The following SGCZ variants were observed in gnomAD, a reference collection of about 807,000 sequenced individuals.
SGCZ encodes zeta-sarcoglycan.
Under a neutral mutation model 41.3 loss-of-function variants are expected in SGCZ, and 40 were observed. The observed-to-expected ratio is 0.97, with a 90% CI of 0.75 to 1.26. The LOEUF (loss-of-function observed/expected upper bound fraction) is 1.26, where lower values mean the gene tolerates loss of function less well. SGCZ is among the 50% of genes most tolerant of loss of function. The probability of loss-of-function intolerance (pLI) is 0.00; values close to 1 mark genes in which losing one functional copy is unlikely to be tolerated. For synonymous variants in SGCZ, 206 were observed against 137.5 expected, an observed-to-expected ratio of 1.50 and a Z score of -3.49; for missense variants, 552 against 369.8, an observed-to-expected ratio of 1.49 and a Z score of -4.04.
chr8:14,397,358 A>G (rs543634015), intron 2 of SGCZ, among the ~76,000 whole-genome samples: 9 of 152,180 alleles, frequency 5.9e-5, no homozygotes, highest in Non-Finnish European at 1.2e-4. Context: ...CCCAATTAAA[A>G]TAAATATTAA....
chr8:14,861,026 T>C lies in SGCZ; in HGVS notation c.40-306100A>G, dbSNP rs1238643250. ...TCGCGTTTAAGTTTAGTGTTCGCAA[T>C]GTCCCTGCAGCACAGAATTGCAGTG... On this transcript the variant is annotated intron_variant, in intron 1 of 7. Transcript: ENST00000382080. Among the ~76,000 whole-genome samples, 4 of 152,220 alleles carry C rather than the reference T, an allele frequency of 2.6e-5. No individual in the cohort carries two copies. The South Asian group carries it at 6.2e-4, about 24-fold the overall frequency.
chr8:14,605,228 T>C (rs932070588), intron 1 of SGCZ, among the ~76,000 whole-genome samples: 3 of 151,782 alleles, frequency 2.0e-5, no homozygotes, highest in African/African-American at 4.8e-5. Context: ...GTCTAGTACA[T>C]TCTTTTTTTA....
rs1802609770 is a variant in SGCZ, at chr8:14,516,020, T to C, written c.234+38712A>G. Among the ~76,000 whole-genome samples, 5 of 152,164 alleles carry C rather than the reference T, an allele frequency of 3.3e-5. No individual in the cohort carries two copies. In the South Asian group the frequency reaches 1.0e-3, roughly 32 times the overall value. ...GTTTTTTTTTAATTTAAGAATTACATGTTAAATTCACTGTCTCATGGATTA... is the reference window on the plus strand; with the variant it reads ...GTTTTTTTTTAATTTAAGAATTACACGTTAAATTCACTGTCTCATGGATTA... On this transcript the variant is annotated intron_variant, in intron 2 of 7. Coordinates refer to ENST00000382080, the MANE Select transcript of SGCZ (RefSeq NM_139167.4).
intron 1 of SGCZ, among the ~76,000 whole-genome samples, chr8:15,234,142 A>G (rs936827538): frequency 4.6e-5 from 7 of 152,162 alleles, no homozygotes; most frequent in African/African-American, 1.7e-4. Flanking sequence ...TGTCAGCTCT[A>G]AAACTTAGTC....
intron 3 of SGCZ, among the ~76,000 whole-genome samples, chr8:14,302,560 C>T (rs991105589): frequency 2.6e-5 from 4 of 152,090 alleles, no homozygotes; most frequent in Non-Finnish European, 5.9e-5. Context: ...CACTCAATTG[C>T]CATTTACTCA....
Position 14,554,920 on chromosome 8 carries a change from G to A in SGCZ, c.46C>T (p.Arg16Ter), listed in dbSNP as rs1461105143. ...TGGGTTGCTAGTATGTATTGTTCTC[G>A]TGTCATCTGAAAAAGAAAAAAGAAA... is the stretch of plus-strand genomic sequence containing the variant. ...NLDIEELKMT[R>*]EQYILATQQN... Residue 16 changes from arginine to a stop codon, truncating the protein, a stop_gained, in exon 2 of 8, where the codon CGA becomes TGA. Transcript: ENST00000382080. LOFTEE classifies it high-confidence loss of function. 1.4e-5 allele frequency: 22 copies of A among 1,537,740 alleles called. No homozygotes were observed. Among genetic ancestry groups the A allele is most frequent in the Non-Finnish European group, 1.9e-5 (22 of 1,139,514 alleles).
intron 5 of SGCZ, among the ~76,000 whole-genome samples, chr8:14,120,609 C>A (rs1453985881): frequency 6.6e-6 from 1 of 151,738 alleles, no homozygotes; most frequent in East Asian, 1.9e-4. Flanking sequence ...AAAAATAAAA[C>A]TAACATGGTT....
At chr8:14,594,432 G>A (rs1805343447) in intron 1 of SGCZ, among the ~76,000 whole-genome samples, 1 of 151,752 alleles carries the variant, frequency 6.6e-6, no homozygotes, top group Non-Finnish European at 1.5e-5. Flanking sequence ...TTCTAACTAT[G>A]TAATACCTTA....
chr8:14,102,355 G>A (rs1353497050), intron 7 of SGCZ, 21 bp downstream of exon 7: 3 of 1,456,804 alleles, frequency 2.1e-6, no homozygotes, highest in Non-Finnish European at 2.8e-6. Context: ...TAGGGCGAGG[G>A]TCCAACTTTC....
At chr8:15,109,059 C>T (rs2131095765) in intron 1 of SGCZ, among the ~76,000 whole-genome samples, 1 of 152,078 alleles carries the variant, frequency 6.6e-6, no homozygotes, top group African/African-American at 2.4e-5. Context: ...TAAAATTATT[C>T]ATAATTGGAA....
chr8:14,193,531 C>G (rs1244928181), intron 4 of SGCZ, among the ~76,000 whole-genome samples: 1 of 152,066 alleles, frequency 6.6e-6, no homozygotes, highest in African/African-American at 2.4e-5. Context: ...AAATACAGCA[C>G]TGATTATTTC....
intron 2 of SGCZ, among the ~76,000 whole-genome samples, chr8:14,494,762 G>A (rs1053061520): frequency 1.3e-5 from 2 of 152,158 alleles, no homozygotes; most frequent in Non-Finnish European, 2.9e-5. Flanking sequence ...ACCAGAGGGA[G>A]GTAAATGGCT....
At chr8:14,795,385 G>C (rs912298385) in intron 1 of SGCZ, among the ~76,000 whole-genome samples, 2 of 152,028 alleles carry the variant, frequency 1.3e-5, no homozygotes, top group Non-Finnish European at 2.9e-5. Flanking sequence ...TTCTGAGGGA[G>C]AAAATACACT....
At chr8:14,552,456 G>T (rs140004143) in intron 2 of SGCZ, among the ~76,000 whole-genome samples, 45 of 152,134 alleles carry the variant, frequency 3.0e-4, no homozygotes, top group African/African-American at 9.9e-4. Context: ...GTGAAGGAAG[G>T]ACAGTTTTCC....
At chr8:14,517,834 A>C (rs1351606231) in intron 2 of SGCZ, among the ~76,000 whole-genome samples, 1 of 151,648 alleles carries the variant, frequency 6.6e-6, no homozygotes, top group Non-Finnish European at 1.5e-5. Context: ...TTTTGATTTA[A>C]TTGAACACAT....
intron 4 of SGCZ, 98 bp downstream of exon 4, chr8:14,237,494 A>G: frequency 8.8e-7 from 1 of 1,140,092 alleles, no homozygotes. Context: ...AAACAACAAC[A>G]ACAACAACAA....
intron 2 of SGCZ, among the ~76,000 whole-genome samples, chr8:14,480,537 C>T (rs975151845): frequency 1.3e-5 from 2 of 152,026 alleles, no homozygotes; most frequent in East Asian, 1.9e-4. Flanking sequence ...ATAACTACCA[C>T]GTAATTCTTT....
intron 2 of SGCZ, among the ~76,000 whole-genome samples, chr8:14,417,547 T>C (rs1427728783): frequency 6.6e-6 from 1 of 151,906 alleles, no homozygotes; most frequent in East Asian, 1.9e-4. Context: ...CTGTAATCAT[T>C]ATTTCCCCCC....
intron 1 of SGCZ, among the ~76,000 whole-genome samples, chr8:15,095,285 G>A (rs533238373): frequency 6.6e-6 from 1 of 152,208 alleles, no homozygotes; most frequent in Non-Finnish European, 1.5e-5. Flanking sequence ...TTTTAGTAGA[G>A]ATGGGGTTTC....
Sources: gnomAD v4.1 joint callset for allele counts (sites outside exome capture counted in the v4.1 genomes callset) on GRCh38, gnomAD v4.1.1 for gene constraint, MANE v1.5 for transcripts, NCBI Gene and HGNC (gene_info 2026-07-23, HGNC 2026-07-21) for gene names.